The following CEP72 variants were observed in gnomAD, a reference collection of about 807,000 sequenced individuals.
CEP72 encodes centrosomal protein 72, also known as centrosomal protein of 72 kDa.
CEP72 carries 78 observed loss-of-function variants against 65.7 expected under a neutral mutation model. The ratio of observed to expected loss-of-function variants is 1.19; its 90% CI spans 0.99 to 1.43. The LOEUF is 1.43. Among genes scored for constraint, CEP72 ranks in the 40% most tolerant of loss-of-function variants. CEP72 has a pLI of 0.00. For missense variants in CEP72, 914 were observed against 832.9 expected (o/e 1.10, Z -1.20); for synonymous variants, 358 against 351.7 (o/e 1.02, Z -0.20).
At chr5:612,555 C>T in intron 1 of CEP72, 112 bp downstream of exon 1, 1 of 1,245,990 alleles carries the variant, frequency 8.0e-7, no homozygotes, top group Non-Finnish European at 1.0e-6. Context: ...ACGCAGGCGC[C>T]GCGGGCGTCC....
At chr5:668,948 C>T (rs533457770), downstream of CEP72, among the ~76,000 whole-genome samples, 350 of 152,324 alleles carry the variant, frequency 2.3e-3, 2 homozygotes, top group Non-Finnish European at 3.5e-3. Context: ...GACCCCAAGG[C>T]GGATGCTGTG....
intron 1 of CEP72, among the ~76,000 whole-genome samples, chr5:613,960 T>C (rs777155066): frequency 1.3e-5 from 2 of 152,228 alleles, no homozygotes; most frequent in Non-Finnish European, 2.9e-5. Context: ...ACCACAGGGC[T>C]CTGAGGAAGC....
chr5:656,304 C>T (rs982764000), downstream of CEP72, among the ~76,000 whole-genome samples: 1 of 152,194 alleles, frequency 6.6e-6, no homozygotes, highest in South Asian at 2.1e-4. Flanking sequence ...GTGTTTCATA[C>T]ATTTTAGAAC....
the CEP72 span, among the ~76,000 whole-genome samples, chr5:675,653 CCTCGAGGGCT>C: frequency 6.6e-6 from 1 of 151,858 alleles, no homozygotes; most frequent in Admixed American, 6.6e-5. Flanking sequence ...TTGGACGGAC[CCTCGAGGGCT>C]GAGCCCCAGC....
chr5:613,096 C>T (rs1284797024), intron 1 of CEP72, among the ~76,000 whole-genome samples: 1 of 152,172 alleles, frequency 6.6e-6, no homozygotes, highest in Non-Finnish European at 1.5e-5. Flanking sequence ...TAGTTCACCG[C>T]GAGTCTTGGC....
intron 8 of CEP72, 65 bp from the exon 9 acceptor site, chr5:640,343 C>T (rs1737925194): frequency 2.6e-6 from 4 of 1,562,044 alleles, no homozygotes; most frequent in South Asian, 2.5e-5. Flanking sequence ...CATACTGAGC[C>T]GATTTTGTTT....
chr5:635,653 AG>A, intron 6 of CEP72, 69 bp downstream of exon 6: 7 of 1,275,304 alleles, frequency 5.5e-6, no homozygotes, highest in Non-Finnish European at 7.9e-6. Flanking sequence ...TAATTTATAA[AG>A]AACAGAAGCT....
chr5:617,071 C>T (rs148611589), intron 1 of CEP72, among the ~76,000 whole-genome samples: 7 of 152,194 alleles, frequency 4.6e-5, no homozygotes, highest in African/African-American at 7.2e-5. Flanking sequence ...CTTTGGCCAT[C>T]GAGAGCAGGC....
intron 8 of CEP72, among the ~76,000 whole-genome samples, chr5:639,527 C>G (rs138660657): frequency 6.6e-6 from 1 of 152,228 alleles, no homozygotes; most frequent in Non-Finnish European, 1.5e-5. Flanking sequence ...GTTCTGATGG[C>G]TGTGATCACA....
At chr5:674,821 T>A in the CEP72 span, among the ~76,000 whole-genome samples, 1 of 151,576 alleles carries the variant, frequency 6.6e-6, no homozygotes, top group Non-Finnish European at 1.5e-5. Flanking sequence ...AGGCAGCGGC[T>A]GACATAAGCC....
rs912598436 is a variant in CEP72 at position 641,573 on chromosome 5, G to GC, written c.1539+976dup. 1.8e-5 allele frequency: 18 copies of GC among 985,212 alleles called. No individual in the cohort carries two copies. The Admixed American group carries it at 8.0e-4, about 44-fold the overall frequency. 61.0% of individuals were successfully genotyped at this position (985,212 alleles called of 1,614,324 possible). On this transcript the variant is annotated intron_variant, in intron 9 of 11. Coordinates refer to ENST00000264935, the MANE Select transcript of CEP72 (RefSeq NM_018140.4). ...GGCAGCCTCTGTTTAAACGCACGTG[G>GC]CCCCCCCACCCCGCCTGGAAGCCTC... is the stretch of plus-strand genomic sequence containing the variant.
At chr5:665,050 C>CA in intron 2 of CEP72, 2 of 1,568,648 alleles carry the variant, frequency 1.3e-6, no homozygotes, top group East Asian at 2.2e-5. Context: ...TGCGAGGTGA[C>CA]AGAGTCCCTG....
chr5:618,305 C>G (rs980465912), intron 1 of CEP72, among the ~76,000 whole-genome samples: 1 of 152,196 alleles, frequency 6.6e-6, no homozygotes, highest in African/African-American at 2.4e-5. Flanking sequence ...AGGAGTTGCA[C>G]TGAGTTCTAG....
At chr5:649,232 G>C (rs560538286) in intron 11 of CEP72, among the ~76,000 whole-genome samples, 2 of 117,640 alleles carry the variant, frequency 1.7e-5, no homozygotes, top group Admixed American at 7.7e-5. Context: ...GTGTGACTGT[G>C]AGGTGTGACT....
intron 4 of CEP72, among the ~76,000 whole-genome samples, chr5:626,006 G>A (rs1308008686): frequency 6.7e-6 from 1 of 149,818 alleles, no homozygotes; most frequent in Non-Finnish European, 1.5e-5. Context: ...TGCATTCCGA[G>A]GCACTGGGTT....
intron 4 of CEP72, among the ~76,000 whole-genome samples, chr5:628,140 C>T (rs991741893): frequency 4.6e-5 from 7 of 152,224 alleles, no homozygotes; most frequent in African/African-American, 7.2e-5. Context: ...ACACGCCCGC[C>T]GGGTCGTCTT....
At chr5:642,806 C>G in intron 9 of CEP72, 1 of 985,474 alleles carries the variant, frequency 1.0e-6, no homozygotes, top group Non-Finnish European at 1.2e-6. Context: ...CTGGTGGGCA[C>G]TGCTTTCCAG....
At chr5:637,885 T>C in intron 7 of CEP72, 67 bp downstream of exon 7, 1 of 1,408,236 alleles carries the variant, frequency 7.1e-7, no homozygotes, top group Admixed American at 2.7e-5. Context: ...TGTTACGGCT[T>C]TGGCGGGGCC....
At chr5:654,115 GTGTGTGTGC>G (rs1312502455), downstream of CEP72, among the ~76,000 whole-genome samples, 4 of 136,322 alleles carry the variant, frequency 2.9e-5, no homozygotes, top group South Asian at 2.2e-4. Flanking sequence ...TGCTAGCTGT[GTGTGTGTGC>G]TGTGTGTGCT....
Sources: gnomAD v4.1 joint callset for allele counts (sites outside exome capture counted in the v4.1 genomes callset) on GRCh38, gnomAD v4.1.1 for gene constraint, MANE v1.5 for transcripts, NCBI Gene and HGNC (gene_info 2026-07-23, HGNC 2026-07-21) for gene names.